Variants in SORCS3 observed in about 807,000 individuals in gnomAD.
The protein encoded by SORCS3 is VPS10 domain-containing receptor SorCS3.
In SORCS3, 57 loss-of-function variants were observed where a neutral mutation model predicts 146.3. The ratio of observed to expected loss-of-function variants is 0.39; its 90% CI spans 0.31 to 0.49. SORCS3 has a LOEUF of 0.49. Among genes scored for constraint, SORCS3 ranks in the 20% least tolerant of loss-of-function variants. SORCS3 has a pLI of 0.92. For missense variants in SORCS3, 1,341 were observed against 1,575.5 expected (o/e 0.85, Z 2.52); for synonymous variants, 653 against 618.5 (o/e 1.06, Z -0.83).
intron 13 of SORCS3, among the ~76,000 whole-genome samples, chr10:105,174,615 G>A (rs1194104684): frequency 1.3e-5 from 2 of 152,002 alleles, no homozygotes; most frequent in East Asian, 3.9e-4. Flanking sequence ...GTCTCAGATC[G>A]CCCTAGCTCT....
chr10:104,856,618 A>G (rs1427226779), intron 2 of SORCS3, among the ~76,000 whole-genome samples: 2 of 146,018 alleles, frequency 1.4e-5, no homozygotes, highest in East Asian at 2.0e-4. Flanking sequence ...TTATATGTAT[A>G]TTTATAAATA....
intron 1 of SORCS3, among the ~76,000 whole-genome samples, chr10:104,644,073 C>G (rs2015462139): frequency 6.6e-6 from 1 of 152,184 alleles, no homozygotes. Flanking sequence ...GGCCCGTGCT[C>G]CCTGGGGAAA....
At chr10:104,976,388 A>C (rs375828544) in intron 3 of SORCS3, among the ~76,000 whole-genome samples, 3 of 152,282 alleles carry the variant, frequency 2.0e-5, no homozygotes, top group African/African-American at 7.2e-5. Context: ...TTAGAATGGC[A>C]ATCATTAAAA....
intron 3 of SORCS3, among the ~76,000 whole-genome samples, chr10:104,972,802 G>T (rs1277059802): frequency 6.6e-5 from 10 of 152,140 alleles, no homozygotes; most frequent in Admixed American, 2.0e-4. Context: ...TCCAGTTTTT[G>T]CCCATTCAGT....
At chr10:104,962,646 A>G (rs1405113613) in intron 3 of SORCS3, among the ~76,000 whole-genome samples, 1 of 152,182 alleles carries the variant, frequency 6.6e-6, no homozygotes, top group Non-Finnish European at 1.5e-5. Context: ...TAGCTTTTCA[A>G]ATTTTCCAAG....
intron 1 of SORCS3, among the ~76,000 whole-genome samples, chr10:104,727,944 G>A (rs1397616298): frequency 6.6e-6 from 1 of 151,922 alleles, no homozygotes; most frequent in Non-Finnish European, 1.5e-5. Context: ...CCTTCCCATC[G>A]ATGGAAAAAT....
At chr10:104,945,763 C>T (rs2019364165) in intron 3 of SORCS3, among the ~76,000 whole-genome samples, 1 of 147,680 alleles carries the variant, frequency 6.8e-6, no homozygotes, top group Non-Finnish European at 1.5e-5. Context: ...CAAAATTAAG[C>T]ATGCACACAC....
chr10:104,755,496 C>G (rs1228778007), intron 1 of SORCS3, among the ~76,000 whole-genome samples: 1 of 152,134 alleles, frequency 6.6e-6, no homozygotes, highest in Non-Finnish European at 1.5e-5. Context: ...CAGGAAATAT[C>G]ATAAGAGACA....
chr10:105,043,198 C>T (rs1265296474), intron 5 of SORCS3, 70 bp downstream of exon 5: 2 of 1,367,352 alleles, frequency 1.5e-6, no homozygotes, highest in Non-Finnish European at 2.1e-6. Flanking sequence ...CTCTAGACAG[C>T]TCTGGACAGT....
At chr10:105,111,230 A>G (rs1484605647) in intron 7 of SORCS3, among the ~76,000 whole-genome samples, 5 of 152,186 alleles carry the variant, frequency 3.3e-5, no homozygotes, top group African/African-American at 9.7e-5. Context: ...TAAATTTAGG[A>G]CAGACAGCAC....
intron 5 of SORCS3, among the ~76,000 whole-genome samples, chr10:105,073,433 C>T (rs1173219557): frequency 1.3e-5 from 2 of 152,192 alleles, no homozygotes; most frequent in East Asian, 3.8e-4. Context: ...GAGGATCTAA[C>T]TGATTAATGC....
chr10:104,868,442 G>A (rs371248383), intron 2 of SORCS3, among the ~76,000 whole-genome samples: 54 of 152,240 alleles, frequency 3.5e-4, no homozygotes, highest in African/African-American at 1.2e-3. Flanking sequence ...GGGACTACTC[G>A]CCTGCCACGC....
At chr10:104,833,386 CT>C (rs1419246637) in intron 1 of SORCS3, among the ~76,000 whole-genome samples, 1 of 152,082 alleles carries the variant, frequency 6.6e-6, no homozygotes, top group Non-Finnish European at 1.5e-5. Context: ...CCACATCAGC[CT>C]TGGTGGGGGA....
At chr10:105,132,464 C>T (rs2056027327) in intron 7 of SORCS3, among the ~76,000 whole-genome samples, 1 of 152,284 alleles carries the variant, frequency 6.6e-6, no homozygotes, top group East Asian at 1.9e-4. Context: ...TAAGTTTTCT[C>T]CTGTGACAGA....
At chr10:105,124,595 A>C (rs2055959319) in intron 7 of SORCS3, among the ~76,000 whole-genome samples, 1 of 152,338 alleles carries the variant, frequency 6.6e-6, no homozygotes, top group African/African-American at 2.4e-5. Flanking sequence ...ACAAAAAAAT[A>C]CATTAAAAAG....
At chr10:104,990,004 C>T (rs370285753) in intron 4 of SORCS3, among the ~76,000 whole-genome samples, 2 of 152,114 alleles carry the variant, frequency 1.3e-5, no homozygotes, top group Non-Finnish European at 2.9e-5. Context: ...CTGCCTATAC[C>T]CACTAGATAT....
chr10:105,203,581 T>C (rs1726665766), intron 16 of SORCS3, among the ~76,000 whole-genome samples: 1 of 152,164 alleles, frequency 6.6e-6, no homozygotes, highest in Admixed American at 6.5e-5. Flanking sequence ...AAATAAGAAC[T>C]GTAAAATATT....
chr10:104,677,506 C>T (rs903605782), intron 1 of SORCS3, among the ~76,000 whole-genome samples: 8 of 152,312 alleles, frequency 5.3e-5, no homozygotes, highest in Admixed American at 3.9e-4. Flanking sequence ...GCCAGCCTGT[C>T]GCAGCCTGCC....
rs143392080 is a variant in SORCS3, at chr10:105,134,732, G to A, written c.1213-4665G>A. Among the ~76,000 whole-genome samples, 180 of 152,144 alleles carry A rather than the reference G, an allele frequency of 1.2e-3. 1 individual carries two copies. Among genetic ancestry groups the A allele is most frequent in the Admixed American group, 8.4e-3 (129 of 15,268 alleles). ...AATTTAGGAGAGGACAGAAACAATC[G>A]GCCCATAGCATTCCATCCATGGCCC... On this transcript the variant is annotated intron_variant, in intron 7 of 26. Coordinates refer to ENST00000369701, the MANE Select transcript of SORCS3 (RefSeq NM_014978.3).
Sources: allele counts gnomAD v4.1 joint callset (sites outside exome capture counted in the v4.1 genomes callset), GRCh38; gene constraint gnomAD v4.1.1; transcripts MANE v1.5; gene names NCBI Gene and HGNC (gene_info 2026-07-23, HGNC 2026-07-21).